Variants in GRK5 observed in about 807,000 individuals in gnomAD.
GRK5 encodes the protein g protein-coupled receptor kinase GRK5.
A neutral mutation model predicts 78.4 loss-of-function variants in GRK5; 40 were observed. That is an observed-to-expected ratio of 0.51 (90% CI 0.40 to 0.66). GRK5 has a LOEUF of 0.66. Ranked by LOEUF, GRK5 falls within the 30% of genes least tolerant of loss-of-function variation. The pLI is 0.00. For missense variants in GRK5, 598 were observed against 759.9 expected (o/e 0.79, Z 2.50); for synonymous variants, 289 against 296.8 (o/e 0.97, Z 0.27).
intron 4 of GRK5, among the ~76,000 whole-genome samples, chr10:119,397,740 C>G (rs1852080312): frequency 6.6e-6 from 1 of 152,226 alleles, no homozygotes; most frequent in South Asian, 2.1e-4. Context: ...CAAATGTAGC[C>G]CTCGTTCTTC....
intron 9 of GRK5, 78 bp from the exon 10 acceptor site, chr10:119,439,653 G>C: frequency 7.0e-7 from 1 of 1,424,090 alleles, no homozygotes; most frequent in Non-Finnish European, 9.9e-7. Flanking sequence ...TGATTAGCCC[G>C]AGGGGTCGAC....
At chr10:119,259,088 A>C (rs1229001097) in intron 1 of GRK5, among the ~76,000 whole-genome samples, 2 of 132,128 alleles carry the variant, frequency 1.5e-5, no homozygotes, top group African/African-American at 5.7e-5. Flanking sequence ...TTTTTGAGAC[A>C]GAGTCTCGCT....
chr10:119,262,084 G>T (rs1849417209), intron 1 of GRK5, among the ~76,000 whole-genome samples: 1 of 152,130 alleles, frequency 6.6e-6, no homozygotes, highest in Non-Finnish European at 1.5e-5. Context: ...CTTTCATTCT[G>T]TACATTTATA....
intron 2 of GRK5, among the ~76,000 whole-genome samples, chr10:119,354,463 G>A (rs1255105884): frequency 4.2e-5 from 6 of 141,566 alleles, no homozygotes; most frequent in Non-Finnish European, 7.5e-5. Context: ...GTGCAGTGGC[G>A]CAATCATGCC....
Position 119,443,531 on chromosome 10 carries a change from C to A in GRK5, c.1058-13C>A. 6.3e-7 allele frequency: 1 copy of A among 1,598,296 alleles called. No individual in the cohort carries two copies. The highest frequency in any genetic ancestry group is 1.1e-5 in the South Asian group (1 of 90,602). On this transcript the variant is annotated splice_polypyrimidine_tract_variant and intron_variant, in intron 11 of 15. Coordinates refer to ENST00000392870, the MANE Select transcript of GRK5 (RefSeq NM_005308.3). ...CCTCCTCCTCACTCCTCTCTCCTCT[C>A]CTCTGCCCCCAGCTCCAGAGGTCCT...
intron 9 of GRK5, among the ~76,000 whole-genome samples, chr10:119,438,078 G>T (rs1272812062): frequency 6.6e-6 from 1 of 152,222 alleles, no homozygotes; most frequent in Non-Finnish European, 1.5e-5. Flanking sequence ...AACAGAGTGA[G>T]ACTCCGTCTC....
chr10:119,308,971 C>T (rs1850317150), intron 1 of GRK5, among the ~76,000 whole-genome samples: 1 of 152,204 alleles, frequency 6.6e-6, no homozygotes, highest in South Asian at 2.1e-4. Flanking sequence ...CTTCCCAGGG[C>T]CTGTCTGGGA....
intron 1 of GRK5, among the ~76,000 whole-genome samples, chr10:119,299,195 C>A (rs1850132430): frequency 6.6e-6 from 1 of 152,176 alleles, no homozygotes; most frequent in Non-Finnish European, 1.5e-5. Flanking sequence ...GTAATCCAAG[C>A]ACTTTGGGAG....
At chr10:119,393,727 T>C (rs1391823666) in intron 3 of GRK5, among the ~76,000 whole-genome samples, 1 of 152,224 alleles carries the variant, frequency 6.6e-6, no homozygotes, top group Admixed American at 6.5e-5. Flanking sequence ...CGTCGCTTGC[T>C]AGCTGTGCTG....
chr10:119,420,051 C>T (rs1006598700), intron 4 of GRK5, among the ~76,000 whole-genome samples: 1 of 152,172 alleles, frequency 6.6e-6, no homozygotes, highest in Non-Finnish European at 1.5e-5. Context: ...ATTAGACACC[C>T]AACCTAGGTT....
At chr10:119,279,757 GC>G (rs1255599783) in intron 1 of GRK5, among the ~76,000 whole-genome samples, 1 of 152,246 alleles carries the variant, frequency 6.6e-6, no homozygotes, top group Non-Finnish European at 1.5e-5. Context: ...GCCAGTAACT[GC>G]CTGGTGTTCT....
intron 4 of GRK5, among the ~76,000 whole-genome samples, chr10:119,404,400 G>A (rs990243751): frequency 2.6e-4 from 39 of 152,194 alleles, no homozygotes; most frequent in African/African-American, 9.2e-4. Flanking sequence ...TTCTTCATAT[G>A]TTCAGGATAC....
Position 119,430,316 on chromosome 10 carries a change from T to C in GRK5, c.534-59T>C, listed in dbSNP as rs532325298. On this transcript the variant is annotated intron_variant, in intron 6 of 15. Coordinates refer to ENST00000392870, the MANE Select transcript of GRK5 (RefSeq NM_005308.3). The surrounding 1 kb of genome is among the most constrained non-coding windows in gnomAD (Gnocchi z 4.5). ...CAGCTGCTCTCAATGTGCCACTGTT[T>C]CCTGTGGATTCTGAGTCTTGGCACC... is the stretch of plus-strand genomic sequence containing the variant. 40 of 1,466,618 alleles carry C rather than the reference T, an allele frequency of 2.7e-5. No individual in the cohort carries two copies. The highest frequency in any genetic ancestry group is 3.7e-5 in the Non-Finnish European group (39 of 1,047,240). 90.9% of individuals were successfully genotyped at this position (1,466,618 alleles called of 1,614,324 possible).
intron 1 of GRK5, among the ~76,000 whole-genome samples, chr10:119,237,638 G>A (rs1848954216): frequency 6.6e-6 from 1 of 152,070 alleles, no homozygotes; most frequent in Non-Finnish European, 1.5e-5. Context: ...AAAGCTACTT[G>A]ATAGAAGTAT....
At chr10:119,418,691 C>T (rs939044379) in intron 4 of GRK5, among the ~76,000 whole-genome samples, 1 of 152,224 alleles carries the variant, frequency 6.6e-6, no homozygotes, top group Admixed American at 6.5e-5. Flanking sequence ...TCCCCTGCTC[C>T]TTCCAGTTAA....
chr10:119,415,950 TCTCA>T (rs1336521622), intron 4 of GRK5, among the ~76,000 whole-genome samples: 2 of 152,178 alleles, frequency 1.3e-5, no homozygotes, highest in Non-Finnish European at 2.9e-5. Flanking sequence ...TCCTCCGCCG[TCTCA>T]CTCCTGAATC....
intron 2 of GRK5, among the ~76,000 whole-genome samples, chr10:119,338,394 C>T (rs1850930554): frequency 6.6e-6 from 1 of 152,184 alleles, no homozygotes; most frequent in Non-Finnish European, 1.5e-5. Context: ...AAGAAAGTCA[C>T]CGCTAATTTT....
intron 2 of GRK5, among the ~76,000 whole-genome samples, chr10:119,349,774 C>G (rs1851160750): frequency 6.6e-6 from 1 of 152,226 alleles, no homozygotes; most frequent in Non-Finnish European, 1.5e-5. Context: ...TCAGTGGCCA[C>G]CACTTCCTAC....
chr10:119,357,563 T>C (rs754685530), intron 2 of GRK5, among the ~76,000 whole-genome samples: 7 of 152,190 alleles, frequency 4.6e-5, no homozygotes, highest in Non-Finnish European at 1.0e-4. Flanking sequence ...GTCTGGATTG[T>C]TGTTGGCTTG....
Sources: allele counts gnomAD v4.1 joint callset (sites outside exome capture counted in the v4.1 genomes callset), GRCh38; gene constraint gnomAD v4.1.1; non-coding constraint Gnocchi (gnomAD v3.1); transcripts MANE v1.5; gene names NCBI Gene and HGNC (gene_info 2026-07-23, HGNC 2026-07-21).